Variants in PRKCA observed in about 807,000 individuals in gnomAD.
The protein encoded by PRKCA is protein kinase C alpha.
In PRKCA, 27 loss-of-function variants were observed where a neutral mutation model predicts 87.0. The observed-to-expected ratio is 0.31, with a 90% CI of 0.23 to 0.43. PRKCA has a LOEUF of 0.43. Ranked by LOEUF, PRKCA falls within the 20% of genes least tolerant of loss-of-function variation. The probability of loss-of-function intolerance (pLI) is 1.00; values close to 1 mark genes in which losing one functional copy is unlikely to be tolerated. For missense variants in PRKCA, 518 were observed against 852.3 expected (o/e 0.61, Z 4.88); for synonymous variants, 329 against 311.1 (o/e 1.06, Z -0.61).
chr17:66,439,093 G>A (rs1172585664), intron 2 of PRKCA, among the ~76,000 whole-genome samples: 1 of 152,158 alleles, frequency 6.6e-6, no homozygotes, highest in African/African-American at 2.4e-5. Context: ...ACTGTACTGA[G>A]CGCTTTATAT....
intron 2 of PRKCA, among the ~76,000 whole-genome samples, chr17:66,385,435 C>T (rs1910006483): frequency 6.6e-6 from 1 of 152,154 alleles, no homozygotes; most frequent in South Asian, 2.1e-4. Flanking sequence ...TGATTTTGGT[C>T]ATGTTATTTT....
intron 2 of PRKCA, among the ~76,000 whole-genome samples, chr17:66,475,674 C>T (rs186852680): frequency 2.0e-5 from 3 of 152,212 alleles, no homozygotes; most frequent in South Asian, 2.1e-4. Flanking sequence ...ACATTTAATG[C>T]GGATACCTTT....
chr17:66,393,937 T>C (rs1335237320), intron 2 of PRKCA, among the ~76,000 whole-genome samples: 1 of 151,882 alleles, frequency 6.6e-6, no homozygotes, highest in Non-Finnish European at 1.5e-5. Flanking sequence ...GGCCCGGGCA[T>C]GGTGGCAGAC....
At chr17:66,778,946 C>T (rs1382161730) in intron 14 of PRKCA, among the ~76,000 whole-genome samples, 1 of 152,132 alleles carries the variant, frequency 6.6e-6, no homozygotes, top group South Asian at 2.1e-4. Flanking sequence ...CTCCACCTCA[C>T]CCGCCTCAAA....
At chr17:66,515,707 C>A (rs1966945521) in intron 3 of PRKCA, among the ~76,000 whole-genome samples, 1 of 152,028 alleles carries the variant, frequency 6.6e-6, no homozygotes, top group Non-Finnish European at 1.5e-5. Flanking sequence ...CCATACCCAG[C>A]TAATTTTTTA....
At chr17:66,581,449 A>G (rs1341407825) in intron 3 of PRKCA, among the ~76,000 whole-genome samples, 2 of 152,138 alleles carry the variant, frequency 1.3e-5, no homozygotes, top group Admixed American at 6.5e-5. Context: ...TTGAGAGGGA[A>G]TCTTTCTGAA....
intron 13 of PRKCA, among the ~76,000 whole-genome samples, chr17:66,758,005 G>A (rs1019075117): frequency 6.6e-5 from 10 of 152,196 alleles, no homozygotes; most frequent in Admixed American, 3.3e-4. Flanking sequence ...GATTACAGGC[G>A]TGAGCCACTG....
intron 9 of PRKCA, among the ~76,000 whole-genome samples, chr17:66,733,322 G>A (rs1416202249): frequency 6.6e-6 from 1 of 152,148 alleles, no homozygotes; most frequent in Non-Finnish European, 1.5e-5. Flanking sequence ...AGAAAGGGCA[G>A]GTTGGGTTTT....
intron 8 of PRKCA, among the ~76,000 whole-genome samples, chr17:66,695,681 T>C (rs548385667): frequency 1.2e-4 from 19 of 152,328 alleles, no homozygotes; most frequent in Non-Finnish European, 1.8e-4. Flanking sequence ...TGCACACCAT[T>C]GCTCTATTCC....
In PRKCA at chr17:66,798,968, A is replaced by ATGGTGGTGGTGGTGGTGGTGGTGG. The variant is rs1555650885; in HGVS notation, c.1855-4851_1855-4828dup. On this transcript the variant is annotated intron_variant, in intron 16 of 16. Coordinates refer to ENST00000413366, the MANE Select transcript of PRKCA (RefSeq NM_002737.3). ...GGTGGTGGTGGTGGTGGTGGTGGTGATGGTGGTGGTGGTGGTGGTGGTGGT... is the reference window on the plus strand; with the variant it reads ...GGTGGTGGTGGTGGTGGTGGTGGTGATGGTGGTGGTGGTGGTGGTGGTGGTGGTGGTGGTGGTGGTGGTGGTGGT... Among the ~76,000 whole-genome samples, 36 of 10,890 alleles carry ATGGTGGTGGTGGTGGTGGTGGTGG rather than the reference A, an allele frequency of 3.3e-3. 15 individuals carry two copies. Among genetic ancestry groups the ATGGTGGTGGTGGTGGTGGTGGTGG allele is most frequent in the East Asian group, 9.5e-3 (4 of 420 alleles). 7.1% of individuals were successfully genotyped at this position (10,890 alleles called of 152,430 possible). A position where few individuals can be genotyped will look rare whatever the true frequency, so the allele number is the denominator to read the frequency against.
chr17:66,309,075 A>G (rs1904965769), intron 2 of PRKCA, among the ~76,000 whole-genome samples: 2 of 152,190 alleles, frequency 1.3e-5, no homozygotes, highest in African/African-American at 2.4e-5. Context: ...ACTAGTATGT[A>G]GTATGTTGCT....
intron 3 of PRKCA, among the ~76,000 whole-genome samples, chr17:66,606,342 A>C (rs1970208902): frequency 6.6e-6 from 1 of 152,206 alleles, no homozygotes; most frequent in African/African-American, 2.4e-5. Context: ...CAGTGAGCTA[A>C]AATTGCACCA....
intron 3 of PRKCA, among the ~76,000 whole-genome samples, chr17:66,511,469 G>A (rs989600439): frequency 3.3e-5 from 5 of 152,160 alleles, no homozygotes; most frequent in African/African-American, 1.2e-4. Flanking sequence ...CAGGATTTAG[G>A]TAATTCATCG....
At chr17:66,487,798 G>T (rs1429296810) in intron 2 of PRKCA, among the ~76,000 whole-genome samples, 1 of 152,090 alleles carries the variant, frequency 6.6e-6, no homozygotes, top group African/African-American at 2.4e-5. Context: ...CTACCTGTTG[G>T]CCATTTGTTT....
Position 66,765,436 on chromosome 17 carries a change from A to C in PRKCA, c.1525-8551A>C, listed in dbSNP as rs188849285. Among the ~76,000 whole-genome samples, 180 of 109,304 alleles carry C rather than the reference A, an allele frequency of 1.6e-3. 2 individuals carry two copies. Among genetic ancestry groups the C allele is most frequent in the African/African-American group, 2.1e-3 (58 of 28,220 alleles). The allele number at this position is 109,304 out of a possible 152,430, so 71.7% of individuals were successfully genotyped here. On this transcript the variant is annotated intron_variant, in intron 13 of 16. Transcript: ENST00000413366. Reference sequence around the variant, plus strand: ...ACTTTGTCTATATATATATATATATATATATATATATATATATATCCATAT... The same window carrying C: ...ACTTTGTCTATATATATATATATATCTATATATATATATATATATCCATAT...
intron 2 of PRKCA, among the ~76,000 whole-genome samples, chr17:66,359,687 T>C (rs1908268845): frequency 6.6e-6 from 1 of 152,354 alleles, no homozygotes; most frequent in African/African-American, 2.4e-5. Context: ...GATAACTCAG[T>C]AAATTGCGTC....
intron 2 of PRKCA, among the ~76,000 whole-genome samples, chr17:66,356,223 T>TA (rs780285179): frequency 1.3e-5 from 2 of 152,146 alleles, no homozygotes; most frequent in Non-Finnish European, 2.9e-5. Flanking sequence ...ATCTAGTTTT[T>TA]AAAATACCTG....
intron 1 of PRKCA, among the ~76,000 whole-genome samples, chr17:66,305,658 A>G (rs888378841): frequency 2.0e-5 from 3 of 152,248 alleles, no homozygotes; most frequent in Non-Finnish European, 4.4e-5. Flanking sequence ...TTTAAACAAA[A>G]AGAAGCCACT....
At chr17:66,564,204 G>T (rs916429788) in intron 3 of PRKCA, among the ~76,000 whole-genome samples, 2 of 151,780 alleles carry the variant, frequency 1.3e-5, no homozygotes, top group Non-Finnish European at 2.9e-5. Flanking sequence ...TCAGCCTCCC[G>T]AGTAGCTAGA....
Sources: allele counts gnomAD v4.1 joint callset (sites outside exome capture counted in the v4.1 genomes callset), GRCh38; gene constraint gnomAD v4.1.1; transcripts MANE v1.5; gene names NCBI Gene and HGNC (gene_info 2026-07-23, HGNC 2026-07-21).